Variants in CRACD observed in about 807,000 individuals in gnomAD.
CRACD encodes the protein capping protein-inhibiting regulator of actin dynamics.
In CRACD, 56 loss-of-function variants were observed where a neutral mutation model predicts 106.8. That is an observed-to-expected ratio of 0.52 (90% CI 0.42 to 0.66). The LOEUF is 0.66. Ranked by LOEUF, CRACD falls within the 30% of genes least tolerant of loss-of-function variation. The pLI is 0.00. For missense variants in CRACD, 1,730 were observed against 1,623.2 expected (o/e 1.07, Z -1.13); for synonymous variants, 754 against 670.8 (o/e 1.12, Z -1.92).
rs545555448 is a variant in CRACD, at chr4:56,294,634, C to A, written c.-16-3580C>A. Among the ~76,000 whole-genome samples the A allele has an allele frequency of 2.0e-5, 3 of 152,108 alleles. No homozygotes were observed. In the South Asian group the frequency reaches 6.2e-4, roughly 32 times the overall value. ...GTATATGTATAAATTTATGTAGAAG[C>A]CAGGTGTGGCGGCTCACGCCTATAA... On this transcript the variant is annotated intron_variant, in intron 3 of 10. Coordinates refer to ENST00000682029, the MANE Select transcript of CRACD (RefSeq NM_001393381.1).
intron 1 of CRACD, among the ~76,000 whole-genome samples, chr4:56,072,251 A>T (rs1459952564): frequency 6.6e-6 from 1 of 152,134 alleles, no homozygotes; most frequent in Non-Finnish European, 1.5e-5. Flanking sequence ...TACTCTCATA[A>T]ATTCTTTTGA....
intron 2 of CRACD, among the ~76,000 whole-genome samples, chr4:56,237,637 T>G (rs570796144): frequency 3.3e-5 from 5 of 152,024 alleles, no homozygotes; most frequent in Admixed American, 6.6e-5. Flanking sequence ...AAGAATGCCA[T>G]GTAACCATAT....
chr4:56,225,546 T>C (rs1471706732), intron 2 of CRACD, among the ~76,000 whole-genome samples: 1 of 152,204 alleles, frequency 6.6e-6, no homozygotes, highest in African/African-American at 2.4e-5. Flanking sequence ...TTCTCTCATC[T>C]TCTATTTCTC....
chr4:56,273,818 T>A (rs1452604289), intron 3 of CRACD, among the ~76,000 whole-genome samples: 1 of 152,220 alleles, frequency 6.6e-6, no homozygotes, highest in East Asian at 1.9e-4. Flanking sequence ...TTTCCATGAA[T>A]GCCTGACACT....
Position 56,106,729 on chromosome 4 carries a change from C to T in CRACD, c.-336+57430C>T, listed in dbSNP as rs75745070. 5.3e-5 allele frequency among the ~76,000 whole-genome samples: 8 copies of T among 152,284 alleles called. No homozygotes were observed. In the East Asian group the frequency reaches 1.2e-3, roughly 22 times the overall value. On this transcript the variant is annotated intron_variant, in intron 1 of 10. Transcript: ENST00000682029. Reference sequence around the variant, plus strand: ...AGTTTGGTCTTTAATAATCAGATCTCATTTGGATTGTACAAGAACGTGAGG... The same window carrying T: ...AGTTTGGTCTTTAATAATCAGATCTTATTTGGATTGTACAAGAACGTGAGG...
chr4:56,139,480 C>G (rs747978335), intron 1 of CRACD, among the ~76,000 whole-genome samples: 3 of 152,128 alleles, frequency 2.0e-5, no homozygotes, highest in Non-Finnish European at 4.4e-5. Context: ...GTTATTAAAC[C>G]TTGCAACTGG....
intron 1 of CRACD, among the ~76,000 whole-genome samples, chr4:56,087,159 T>C (rs1484583980): frequency 6.6e-6 from 1 of 152,058 alleles, no homozygotes; most frequent in African/African-American, 2.4e-5. Flanking sequence ...ATTACAGGCA[T>C]CCGTCACTAT....
Position 56,215,453 on chromosome 4 carries a change from A to G in CRACD, c.-189+36023A>G, listed in dbSNP as rs557556636. Among the ~76,000 whole-genome samples the G allele has an allele frequency of 1.1e-4, 16 of 152,350 alleles. No individual in the cohort carries two copies. The South Asian group carries it at 3.3e-3, about 32-fold the overall frequency. On this transcript the variant is annotated intron_variant, in intron 2 of 10. Coordinates refer to ENST00000682029, the MANE Select transcript of CRACD (RefSeq NM_001393381.1). ...ATTTCAGCATATTAATGCTGGGGCA[A>G]CATAAATATTTAATCCATTGCACTT...
intron 3 of CRACD, among the ~76,000 whole-genome samples, chr4:56,295,386 A>G (rs1743948739): frequency 6.6e-6 from 1 of 151,996 alleles, no homozygotes; most frequent in South Asian, 2.1e-4. Flanking sequence ...CCACTATTAT[A>G]ATTACTACTA....
intron 1 of CRACD, among the ~76,000 whole-genome samples, chr4:56,099,688 G>A (rs1057509481): frequency 6.6e-6 from 1 of 152,180 alleles, no homozygotes; most frequent in Non-Finnish European, 1.5e-5. Flanking sequence ...AGTTCAATTT[G>A]TCACTCACTG....
At chr4:56,097,290 G>A (rs971233484) in intron 1 of CRACD, 2 of 152,468 alleles carry the variant, frequency 1.3e-5, no homozygotes, top group Non-Finnish European at 1.5e-5. Flanking sequence ...TTCTGGGAGA[G>A]TGGAAGATGA....
intron 6 of CRACD, among the ~76,000 whole-genome samples, chr4:56,312,938 T>C (rs1026350071): frequency 6.6e-6 from 1 of 152,210 alleles, no homozygotes; most frequent in Non-Finnish European, 1.5e-5. Context: ...CTCATATTAG[T>C]CAAAGTAGGA....
chr4:56,051,538 T>C (rs935167138), intron 1 of CRACD, among the ~76,000 whole-genome samples: 1 of 152,184 alleles, frequency 6.6e-6, no homozygotes, highest in Non-Finnish European at 1.5e-5. Flanking sequence ...ATTCCCGTTT[T>C]GTAGGTGAGG....
chr4:56,316,453 A>G lies in CRACD; in HGVS notation c.2951A>G (p.Tyr984Cys), dbSNP rs1206220726. 3.7e-6 allele frequency: 6 copies of G among 1,613,986 alleles called. No homozygotes were observed. Among genetic ancestry groups the G allele is most frequent in the Non-Finnish European group, 5.1e-6 (6 of 1,179,940 alleles). Residue 984 changes from tyrosine (Y) to cysteine (C), a missense_variant, in exon 8 of 11, where the codon TAC becomes TGC. Tyr to Cys is a radical substitution (Grantham distance 194, BLOSUM62 -2). Coordinates refer to ENST00000682029, the MANE Select transcript of CRACD (RefSeq NM_001393381.1). ...CCACTTTCCAAACTGAGCAGGCCCT[A>G]CTTGGTAGAGCTGCTGTCTCGCCGA... The part of the protein sequence containing the change: ...ASPLSKLSRP[Y>C]LVELLSRRAG...
Position 56,130,468 on chromosome 4 carries a change from A to G in CRACD, c.-335-48816A>G, listed in dbSNP as rs1734789354. Among the ~76,000 whole-genome samples the G allele has an allele frequency of 2.0e-5, 3 of 152,242 alleles. No homozygotes were observed. The South Asian group carries it at 6.2e-4, about 32-fold the overall frequency. On this transcript the variant is annotated intron_variant, in intron 1 of 10. Coordinates refer to ENST00000682029, the MANE Select transcript of CRACD (RefSeq NM_001393381.1). The stretch of plus-strand genomic sequence containing the variant: ...AATTCTTATTCCAATATTGGCTTAA[A>G]ACCCTCTTAAAATTACCCTAAATCT...
At chr4:56,224,052 T>C (rs1311618406) in intron 2 of CRACD, among the ~76,000 whole-genome samples, 1 of 152,210 alleles carries the variant, frequency 6.6e-6, no homozygotes, top group African/African-American at 2.4e-5. Flanking sequence ...CCACCAGGCC[T>C]GGCCTGTTTT....
chr4:56,130,972 G>T (rs11947711), intron 1 of CRACD, among the ~76,000 whole-genome samples: 42,478 of 152,018 alleles, frequency 0.28, 6,212 homozygotes, highest in East Asian at 0.45. Flanking sequence ...ATGTAAAATG[G>T]AGGCAGTGAT....
intron 2 of CRACD, among the ~76,000 whole-genome samples, chr4:56,234,649 G>A (rs1210134544): frequency 6.6e-6 from 1 of 152,128 alleles, no homozygotes; most frequent in East Asian, 1.9e-4. Context: ...TGATTAAAGA[G>A]TCAACCAAGA....
At chr4:56,050,058 G>A (rs1290729387) in intron 1 of CRACD, 1 of 151,494 alleles carries the variant, frequency 6.6e-6, no homozygotes, top group Non-Finnish European at 1.5e-5. Flanking sequence ...TCAGTAAACA[G>A]AAGCCGACTT....
Sources: allele counts gnomAD v4.1 joint callset (sites outside exome capture counted in the v4.1 genomes callset), GRCh38; gene constraint gnomAD v4.1.1; transcripts MANE v1.5; gene names NCBI Gene and HGNC (gene_info 2026-07-23, HGNC 2026-07-21).